NSD3: variants seen among roughly 807,000 people sequenced by gnomAD.
NSD3 encodes nuclear receptor binding SET domain protein 3, also known as histone-lysine N-methyltransferase NSD3.
NSD3 carries 24 observed loss-of-function variants against 160.8 expected under a neutral mutation model. That is an observed-to-expected ratio of 0.15 (90% CI 0.11 to 0.21). The LOEUF (loss-of-function observed/expected upper bound fraction) is 0.21, where lower values mean the gene tolerates loss of function less well. Among genes scored for constraint, NSD3 ranks in the 10% least tolerant of loss-of-function variants. The pLI, the probability that NSD3 is intolerant of heterozygous loss-of-function variation, is 1.00. For synonymous variants in NSD3, 520 were observed against 600.0 expected (o/e 0.87, Z 1.95); for missense variants, 1,157 against 1,735.9 (o/e 0.67, Z 5.93).
chr8:38,316,358 G>T lies in NSD3; in HGVS notation c.1856-316C>A. On this transcript the variant is annotated intron_variant, in intron 9 of 23. Coordinates refer to ENST00000317025, the MANE Select transcript of NSD3 (RefSeq NM_023034.2). This position sits in a 1 kb window ranked among gnomAD's most constrained non-coding sequence, Gnocchi z 4.5. The stretch of plus-strand genomic sequence containing the variant: ...AATTGCAGGATAGCTGATGGATTTG[G>T]AGCAATTCAAAGAACCATTCAATTT... The T allele has an allele frequency of 1.8e-6, 2 of 1,096,724 alleles. No individual in the cohort carries two copies. Among genetic ancestry groups the T allele is most frequent in the Non-Finnish European group, 2.2e-6 (2 of 894,230 alleles). The allele number at this position is 1,096,724 out of a possible 1,614,324, so 67.9% of individuals were successfully genotyped here. A position where few individuals can be genotyped will look rare whatever the true frequency, so the allele number is the denominator to read the frequency against.
chr8:38,355,844 C>A (rs1288115804), intron 1 of NSD3, among the ~76,000 whole-genome samples: 2 of 152,144 alleles, frequency 1.3e-5, no homozygotes, highest in Non-Finnish European at 1.5e-5. Flanking sequence ...ACAGAACACC[C>A]CTTTGAGGAA....
At chr8:38,355,601 A>C (rs558189748) in intron 1 of NSD3, among the ~76,000 whole-genome samples, 1 of 152,322 alleles carries the variant, frequency 6.6e-6, no homozygotes, top group South Asian at 2.1e-4. Context: ...GCAAGGAGGC[A>C]TTTAGGCCAT....
At position 38,329,904 on chromosome 8, in the gene NSD3, G is replaced by C. The variant is rs1286553079; in HGVS notation, c.1066-11C>G. On this transcript the variant is annotated splice_polypyrimidine_tract_variant and intron_variant, in intron 5 of 23. Transcript: ENST00000317025. The surrounding 1 kb of genome is among the most constrained non-coding windows in gnomAD (Gnocchi z 4.8). ...TCGGGGTTTCCGAATCTTTAAAAAA[G>C]ATAGAGATTATCAGACATGCTTTAC... 1.3e-6 allele frequency: 2 copies of C among 1,557,448 alleles called. No individual in the cohort carries two copies. The highest frequency in any genetic ancestry group is 3.9e-5 in the Admixed American group (2 of 51,412).
In NSD3 at chr8:38,317,607, G is replaced by A. The variant is rs1038512735; in HGVS notation, c.1855+1288C>T. 2 of 1,124,626 alleles carry A rather than the reference G, an allele frequency of 1.8e-6. No individual in the cohort carries two copies. The highest frequency in any genetic ancestry group is 6.3e-5 in the South Asian group (2 of 31,628). 69.7% of individuals were successfully genotyped at this position (1,124,626 alleles called of 1,614,324 possible). A position where few individuals can be genotyped will look rare whatever the true frequency, so the allele number is the denominator to read the frequency against. On this transcript the variant is annotated intron_variant, in intron 9 of 23. Transcript: ENST00000317025. The surrounding 1 kb of genome is among the most constrained non-coding windows in gnomAD (Gnocchi z 5.3). Reference sequence around the variant, plus strand: ...TAATGATTGTAATGTATACAGTTTGGGCTGTTTGGCAAACCCCTGCAGATG... The same window carrying A: ...TAATGATTGTAATGTATACAGTTTGAGCTGTTTGGCAAACCCCTGCAGATG...
At chr8:38,347,243 G>A (rs548892144) in intron 2 of NSD3, among the ~76,000 whole-genome samples, 3 of 152,160 alleles carry the variant, frequency 2.0e-5, no homozygotes, top group South Asian at 2.1e-4. Context: ...AAAAATAACC[G>A]AGGTCATCAG....
Position 38,328,019 on chromosome 8 carries a change from T to C in NSD3, c.1582-1163A>G, listed in dbSNP as rs138035746. On this transcript the variant is annotated intron_variant, in intron 6 of 23. Transcript: ENST00000317025. The stretch of plus-strand genomic sequence containing the variant: ...GAGTTCAAGACCAGCCTGGGCACCA[T>C]AGTGAGACCCTGTCTCTACAAAAAA... Among the ~76,000 whole-genome samples, 734 of 152,078 alleles carry C rather than the reference T, an allele frequency of 4.8e-3. 10 individuals carry two copies. Among genetic ancestry groups the C allele is most frequent in the African/African-American group, 0.017 (688 of 41,480 alleles).
At chr8:38,341,106 G>A (rs763410391) in intron 2 of NSD3, among the ~76,000 whole-genome samples, 2 of 152,150 alleles carry the variant, frequency 1.3e-5, no homozygotes, top group African/African-American at 2.4e-5. Flanking sequence ...ACTCCAGCCT[G>A]GGTGATGGAG....
At position 38,338,253 on chromosome 8, in the gene NSD3, T is replaced by C. The variant is rs150673126; in HGVS notation, c.747+283A>G. On this transcript the variant is annotated intron_variant, in intron 3 of 23. Coordinates refer to ENST00000317025, the MANE Select transcript of NSD3 (RefSeq NM_023034.2). ...AGGCAGAGGTTGCAGTGAGTCGAGA[T>C]TGCGCCACTGCACTCCAGCCTGGGC... Among the ~76,000 whole-genome samples, 559 of 151,136 alleles carry C rather than the reference T, an allele frequency of 3.7e-3. 5 individuals carry two copies. Among genetic ancestry groups the C allele is most frequent in the African/African-American group, 0.012 (485 of 41,050 alleles).
intron 1 of NSD3, among the ~76,000 whole-genome samples, chr8:38,364,148 G>A (rs539270085): frequency 2.6e-5 from 4 of 152,098 alleles, no homozygotes; most frequent in South Asian, 4.2e-4. Context: ...ATGGTGATGC[G>A]CGTCTGTAGT....
Position 38,329,885 on chromosome 8 carries a change from T to C in NSD3, c.1074A>G (p.Lys358=). 6.4e-7 allele frequency: 1 copy of C among 1,572,948 alleles called. No homozygotes were observed. Residue 358 remains lysine (K), a synonymous_variant, in exon 6 of 24, where the codon AAA becomes AAG. Coordinates refer to ENST00000317025, the MANE Select transcript of NSD3 (RefSeq NM_023034.2). The surrounding 1 kb of genome is among the most constrained non-coding windows in gnomAD (Gnocchi z 4.8). ...SNHSEKQKIR[K]PRPQRERAQW... ...GAGCACGTTCTCTCTGAGGTCGGGG[T>C]TTCCGAATCTTTAAAAAAGATAGAG...
At chr8:38,314,798 T>C in intron 11 of NSD3, 25 bp from the exon 12 acceptor site, 1 of 1,607,954 alleles carries the variant, frequency 6.2e-7, no homozygotes, top group Non-Finnish European at 8.5e-7. Context: ...AAAGCAGTGG[T>C]TCTCAAACTT....
intron 19 of NSD3, among the ~76,000 whole-genome samples, chr8:38,285,961 C>T (rs1389727831): frequency 6.6e-6 from 1 of 152,180 alleles, no homozygotes; most frequent in Non-Finnish European, 1.5e-5. Flanking sequence ...GTTCTCCATA[C>T]CACAGCCACA....
In NSD3 at chr8:38,273,342, A is replaced by G. The variant is rs1484212758; in HGVS notation, c.*2299T>C. The G allele has an allele frequency of 6.6e-6, 1 of 152,142 alleles. No homozygotes were observed. The highest frequency in any genetic ancestry group is 1.5e-5 in the Non-Finnish European group (1 of 68,040). 9.4% of individuals were successfully genotyped at this position (152,142 alleles called of 1,614,324 possible). ...ATTTCTGAAATGGTGAAACAATCCT[A>G]TTAATCATAATTTTTTTTTAATTTC... On this transcript the variant is annotated 3_prime_UTR_variant, in exon 24 of 24. Coordinates refer to ENST00000317025, the MANE Select transcript of NSD3 (RefSeq NM_023034.2).
chr8:38,354,293 A>C (rs924807542), intron 1 of NSD3, among the ~76,000 whole-genome samples: 1 of 152,208 alleles, frequency 6.6e-6, no homozygotes, highest in Non-Finnish European at 1.5e-5. Flanking sequence ...CTAATGTCTA[A>C]AACAAATGAA....
Position 38,321,267 on chromosome 8 carries a change from C to A in NSD3, c.1709-95G>T. On this transcript the variant is annotated intron_variant, in intron 7 of 23. Transcript: ENST00000317025. This position sits in a 1 kb window ranked among gnomAD's most constrained non-coding sequence, Gnocchi z 4.7. ...ATGACCACATTCCTTGCTTTTCTTA[C>A]CCATTACTTTTGGAATTTTAATTAA... 3.1e-6 allele frequency: 3 copies of A among 960,274 alleles called. No individual in the cohort carries two copies. The highest frequency in any genetic ancestry group is 1.8e-5 in the South Asian group (1 of 55,660). 59.5% of individuals were successfully genotyped at this position (960,274 alleles called of 1,614,324 possible). A position where few individuals can be genotyped will look rare whatever the true frequency, so the allele number is the denominator to read the frequency against.
chr8:38,379,215 A>C, intron 1 of NSD3, among the ~76,000 whole-genome samples: 1 of 152,144 alleles, frequency 6.6e-6, no homozygotes, highest in Non-Finnish European at 1.5e-5. Flanking sequence ...ATACCTGTCC[A>C]AGGAACCAGG....
Position 38,347,925 on chromosome 8 carries a change from G to C in NSD3, c.247C>G (p.Gln83Glu). ...YPSSISVYETQTKYQSYNQYP... is the reference protein window; with the variant it reads ...YPSSISVYETETKYQSYNQYP... ...TGATTATATGACTGGTATTTGGTTT[G>C]AGTTTCATACACACTGATTGATGAT... The change falls in exon 2 of 24, where the codon CAA (glutamine) becomes GAA (glutamate). Residue 83 changes from glutamine to glutamate, a missense_variant. By Grantham distance (29) the Gln-to-Glu change is conservative. Around this residue, in one of 10 missense-constraint regions of NSD3, gnomAD observed 121 missense variants for 177.2 expected, o/e 0.68. Transcript: ENST00000317025. 1 of 1,614,230 alleles carries C rather than the reference G, an allele frequency of 6.2e-7. No individual in the cohort carries two copies. The highest frequency in any genetic ancestry group is 1.1e-5 in the South Asian group (1 of 91,082).
intron 11 of NSD3, 104 bp downstream of exon 11, chr8:38,315,312 A>G (rs1195082152): frequency 1.5e-6 from 2 of 1,321,726 alleles, no homozygotes; most frequent in Non-Finnish European, 9.9e-7. Context: ...AAGTAATATC[A>G]TAATAATTTG....
Position 38,338,614 on chromosome 8 carries a change from GA to G in NSD3, c.676-8del. On this transcript the variant is annotated splice_region_variant and splice_polypyrimidine_tract_variant and intron_variant, in intron 2 of 23. Transcript: ENST00000317025. Reference sequence around the variant, plus strand: ...CAACCCTCTCATTTGGTCTCTAGGTGAAAAGGTATAGGTAAGTAGAATAAAA... The same window carrying G: ...CAACCCTCTCATTTGGTCTCTAGGTGAAAGGTATAGGTAAGTAGAATAAAA... 6.2e-7 allele frequency: 1 copy of G among 1,611,096 alleles called. No homozygotes were observed. Among genetic ancestry groups the G allele is most frequent in the Non-Finnish European group, 8.5e-7 (1 of 1,177,412 alleles).
Sources: gnomAD v4.1 joint callset for allele counts (sites outside exome capture counted in the v4.1 genomes callset) on GRCh38, gnomAD v4.1.1 for gene constraint, gnomAD v4.1.1 regional missense constraint, Gnocchi (gnomAD v3.1) non-coding constraint, MANE v1.5 for transcripts, NCBI Gene and HGNC (gene_info 2026-07-23, HGNC 2026-07-21) for gene names.